EYA3: variants seen among roughly 807,000 people sequenced by gnomAD.
EYA3 encodes the protein EYA transcriptional coactivator and phosphatase 3.
Under a neutral mutation model 80.0 loss-of-function variants are expected in EYA3, and 39 were observed. The observed-to-expected ratio is 0.49, with a 90% CI of 0.38 to 0.64. EYA3 has a LOEUF of 0.64. Ranked by LOEUF, EYA3 falls within the 30% of genes least tolerant of loss-of-function variation. The pLI, the probability that EYA3 is intolerant of heterozygous loss-of-function variation, is 0.00. For missense variants in EYA3, 523 were observed against 676.1 expected, an observed-to-expected ratio of 0.77 and a Z score of 2.51; for synonymous variants, 206 against 232.8, an observed-to-expected ratio of 0.88 and a Z score of 1.05.
intron 5 of EYA3, among the ~76,000 whole-genome samples, chr1:28,038,464 AC>A (rs144719488): frequency 0.018 from 2,618 of 143,440 alleles, 92 homozygotes; most frequent in South Asian, 0.024. Context: ...AAAAAAAAAA[AC>A]CGAACACAGA....
rs192519928 is a variant in EYA3, at chr1:28,063,599, C to T, written c.-68-5505G>A. 3.3e-3 allele frequency among the ~76,000 whole-genome samples: 509 copies of T among 152,108 alleles called. 10 individuals carry two copies. Among genetic ancestry groups the T allele is most frequent in the Admixed American group, 0.028 (425 of 15,290 alleles). On this transcript the variant is annotated intron_variant, in intron 1 of 17. Transcript: ENST00000373871. ...CTGGCCTCAAGTGATCCACCAGCCTCGGCCTCTCAAAGTGCTGGGATTACA... is the reference window on the plus strand; with the variant it reads ...CTGGCCTCAAGTGATCCACCAGCCTTGGCCTCTCAAAGTGCTGGGATTACA...
chr1:27,993,706 A>G, intron 13 of EYA3, 146 bp from the exon 14 acceptor site: 1 of 578,336 alleles, frequency 1.7e-6, no homozygotes, highest in Non-Finnish European at 2.8e-6. Flanking sequence ...GTCAGAGTCT[A>G]TCTTTCATTA....
chr1:28,042,693 C>T (rs1384903319), intron 3 of EYA3, 43 bp from the exon 4 acceptor site: 3 of 1,521,252 alleles, frequency 2.0e-6, no homozygotes, highest in Non-Finnish European at 2.7e-6. Context: ...GATTGATTTG[C>T]TGCATTGCTA....
rs3831952 is a variant in EYA3 at position 27,974,259 on chromosome 1, C to CAGAGAG, written c.*201_*206dup. The CAGAGAG allele has an allele frequency of 1.8e-5, 6 of 338,406 alleles. No homozygotes were observed. Among genetic ancestry groups the CAGAGAG allele is most frequent in the East Asian group, 4.9e-5 (1 of 20,228 alleles). 21.0% of individuals were successfully genotyped at this position (338,406 alleles called of 1,614,324 possible). A position where few individuals can be genotyped will look rare whatever the true frequency, so the allele number is the denominator to read the frequency against. ...CTCGCCAGCATTCCATGGATAAAGA[C>CAGAGAG]AGAGAGAGAGAGAGAGAGAGAGGCA... On this transcript the variant is annotated 3_prime_UTR_variant, in exon 18 of 18. Coordinates refer to ENST00000373871, the MANE Select transcript of EYA3 (RefSeq NM_001990.4).
intron 2 of EYA3, among the ~76,000 whole-genome samples, chr1:28,055,462 CTTTTTTTTTT>C (rs531586344): frequency 9.3e-6 from 1 of 106,954 alleles, no homozygotes; most frequent in Non-Finnish European, 1.8e-5. Context: ...TAAAGAAAAT[CTTTTTTTTTT>C]TTTTTTTTTT....
At chr1:27,994,010 T>G in intron 13 of EYA3, among the ~76,000 whole-genome samples, 1 of 152,244 alleles carries the variant, frequency 6.6e-6, no homozygotes, top group East Asian at 1.9e-4. Flanking sequence ...GATATTTCCT[T>G]AAGTGATCTG....
intron 4 of EYA3, among the ~76,000 whole-genome samples, chr1:28,041,132 G>A (rs1189204971): frequency 6.6e-6 from 1 of 152,218 alleles, no homozygotes; most frequent in African/African-American, 2.4e-5. Context: ...GGGAGGCTGA[G>A]GCCGGCAGAT....
At chr1:28,000,601 C>T (rs945943202) in intron 11 of EYA3, among the ~76,000 whole-genome samples, 16 of 152,002 alleles carry the variant, frequency 1.1e-4, no homozygotes, top group African/African-American at 2.4e-4. Context: ...TGTGAGCCAC[C>T]GCACCTGGCC....
At chr1:28,061,492 C>A (rs1644622190) in intron 1 of EYA3, among the ~76,000 whole-genome samples, 1 of 151,946 alleles carries the variant, frequency 6.6e-6, no homozygotes, top group African/African-American at 2.4e-5. Flanking sequence ...TACAGTATAA[C>A]TAAGACACAA....
At chr1:27,993,349 G>A (rs372599463) in intron 14 of EYA3, 51 bp downstream of exon 14, 14 of 1,570,104 alleles carry the variant, frequency 8.9e-6, no homozygotes, top group Non-Finnish European at 1.2e-5. Flanking sequence ...GAAAGAAAAG[G>A]AGGAAACCAG....
chr1:28,018,904 G>A lies in EYA3; in HGVS notation c.500-1665C>T, dbSNP rs188523081. On this transcript the variant is annotated intron_variant, in intron 7 of 17. Transcript: ENST00000373871. ...TATGGCCAGGTGCGTGGTGGCTCACGCCTGTAACCCCAGCACTTTGGGAGC... is the reference window on the plus strand; with the variant it reads ...TATGGCCAGGTGCGTGGTGGCTCACACCTGTAACCCCAGCACTTTGGGAGC... 4.6e-5 allele frequency among the ~76,000 whole-genome samples: 7 copies of A among 152,266 alleles called. No individual in the cohort carries two copies. The East Asian group carries it at 1.2e-3, about 25-fold the overall frequency.
chr1:28,010,269 C>T (rs1641595574), intron 10 of EYA3, among the ~76,000 whole-genome samples: 1 of 152,158 alleles, frequency 6.6e-6, no homozygotes, highest in South Asian at 2.1e-4. Context: ...AAATGTATGT[C>T]CATAATAAAC....
rs567168688 is a variant in EYA3, at chr1:27,972,712, G to A, written c.*1754C>T. ...GAGAGGCTGAACTTCCTCAGCTCTA[G>A]GGAATTTTATCCTGCCTGAGTAGAT... On this transcript the variant is annotated 3_prime_UTR_variant, in exon 18 of 18. Transcript: ENST00000373871. 4 of 152,366 alleles carry A rather than the reference G, an allele frequency of 2.6e-5. No homozygotes were observed. The highest frequency in any genetic ancestry group is 9.6e-5 in the African/African-American group (4 of 41,582). 9.4% of individuals were successfully genotyped at this position (152,366 alleles called of 1,614,324 possible). A position where few individuals can be genotyped will look rare whatever the true frequency, so the allele number is the denominator to read the frequency against.
chr1:28,042,706 A>T (rs1643854166), intron 3 of EYA3, 56 bp from the exon 4 acceptor site: 1 of 1,422,510 alleles, frequency 7.0e-7, no homozygotes, highest in East Asian at 2.3e-5. Context: ...CATTGCTAAA[A>T]AGTGATGAGT....
chr1:28,011,437 G>A (rs1199017993), intron 9 of EYA3, among the ~76,000 whole-genome samples: 1 of 152,146 alleles, frequency 6.6e-6, no homozygotes, highest in Non-Finnish European at 1.5e-5. Flanking sequence ...ATAATTATTT[G>A]TTGTGGGGGG....
intron 2 of EYA3, among the ~76,000 whole-genome samples, chr1:28,056,723 G>A (rs988579308): frequency 6.6e-6 from 1 of 152,206 alleles, no homozygotes; most frequent in African/African-American, 2.4e-5. Context: ...AGAGATAGAT[G>A]ACTTGTTAGC....
At chr1:27,980,124 G>A (rs1423964910) in intron 16 of EYA3, among the ~76,000 whole-genome samples, 4 of 152,174 alleles carry the variant, frequency 2.6e-5, no homozygotes, top group African/African-American at 9.7e-5. Context: ...TCATATGAGG[G>A]ATTCAATCAA....
intron 17 of EYA3, 117 bp downstream of exon 17, chr1:27,978,257 G>T: frequency 1.4e-6 from 1 of 707,810 alleles, no homozygotes; most frequent in Non-Finnish European, 2.3e-6. Context: ...AAATGGGAGA[G>T]GAAGAAAGAG....
chr1:28,050,190 A>T (rs879280349), intron 2 of EYA3, among the ~76,000 whole-genome samples: 1,042 of 97,618 alleles, frequency 0.011, 25 homozygotes, highest in Non-Finnish European at 0.013. Context: ...TATTATTATT[A>T]TTATTATTAT....
Sources: allele counts gnomAD v4.1 joint callset (sites outside exome capture counted in the v4.1 genomes callset), GRCh38; gene constraint gnomAD v4.1.1; transcripts MANE v1.5; gene names NCBI Gene and HGNC (gene_info 2026-07-23, HGNC 2026-07-21).